ZFTRAF1: variants seen among roughly 807,000 people sequenced by gnomAD.
ZFTRAF1 encodes the protein zinc finger TRAF-type-containing protein 1.
At chr8:144,459,463 C>A in the ZFTRAF1 span, among the ~76,000 whole-genome samples, 2 of 152,382 alleles carry the variant, frequency 1.3e-5, no homozygotes, top group African/African-American at 4.8e-5. Context: ...CAGGACTCGG[C>A]GGTGGCGGAA....
the ZFTRAF1 span, chr8:144,456,986 A>AG: frequency 2.9e-5 from 4 of 137,862 alleles, no homozygotes; most frequent in Non-Finnish European, 6.2e-5. Context: ...TTGACATTAC[A>AG]GGGGATGACA....
chr8:144,454,730 G>A, the ZFTRAF1 span: 13 of 152,038 alleles, frequency 8.6e-5, no homozygotes, highest in East Asian at 1.9e-4. Flanking sequence ...GCCTGGTGGC[G>A]CTGGGAGGCC....
the ZFTRAF1 span, among the ~76,000 whole-genome samples, chr8:144,458,536 G>A: frequency 6.6e-6 from 1 of 152,200 alleles, no homozygotes; most frequent in African/African-American, 2.4e-5. Context: ...CACCCCCCCA[G>A]GACTGCACAC....
At chr8:144,455,482 G>C in the ZFTRAF1 span, 2 of 152,320 alleles carry the variant, frequency 1.3e-5, no homozygotes, top group African/African-American at 4.8e-5. Flanking sequence ...CAGGCAGGAG[G>C]GGGCACAGAT....
At chr8:144,459,485 G>T in the ZFTRAF1 span, among the ~76,000 whole-genome samples, 1 of 152,224 alleles carries the variant, frequency 6.6e-6, no homozygotes, top group Non-Finnish European at 1.5e-5. Context: ...CCTTTTGCAT[G>T]AGGGCCTCAG....
At chr8:144,459,279 G>A in the ZFTRAF1 span, among the ~76,000 whole-genome samples, 9 of 152,226 alleles carry the variant, frequency 5.9e-5, no homozygotes, top group Admixed American at 5.9e-4. Flanking sequence ...CAGGCCAGAA[G>A]CTCCTGCACA....
At chr8:144,453,735 C>T in the ZFTRAF1 span, 5 of 386,378 alleles carry the variant, frequency 1.3e-5, no homozygotes, top group East Asian at 4.6e-5. Context: ...CTGGCAGTGA[C>T]GGGTTCAGCC....
chr8:144,455,043 G>A, the ZFTRAF1 span: 4 of 152,216 alleles, frequency 2.6e-5, no homozygotes, highest in African/African-American at 7.2e-5. Flanking sequence ...AATTACAGGC[G>A]GTGGCTCATG....
the ZFTRAF1 span, chr8:144,456,055 T>TC: frequency 1.3e-5 from 2 of 152,224 alleles, no homozygotes; most frequent in Non-Finnish European, 2.9e-5. Context: ...ACCTGCAAGC[T>TC]CCGAGGAGAC....
the ZFTRAF1 span, among the ~76,000 whole-genome samples, chr8:144,459,266 G>C: frequency 4.6e-3 from 695 of 152,324 alleles, 13 homozygotes; most frequent in East Asian, 0.066. Flanking sequence ...TGCGCGGCCT[G>C]GTCAGGCCAG....
chr8:144,452,757 GGAGA>G, the ZFTRAF1 span, among the ~76,000 whole-genome samples: 5 of 152,212 alleles, frequency 3.3e-5, no homozygotes, highest in African/African-American at 4.8e-5. Flanking sequence ...GCAGAAAAAG[GGAGA>G]GAGAGGGGAA....
At chr8:144,450,481 C>T in the ZFTRAF1 span, 65 of 718,388 alleles carry the variant, frequency 9.0e-5, no homozygotes, top group Non-Finnish European at 1.4e-4. Flanking sequence ...GCACGTAGTC[C>T]GTCTCGTTGC....
chr8:144,450,818 G>C, the ZFTRAF1 span: 1 of 651,672 alleles, frequency 1.5e-6, no homozygotes, highest in Non-Finnish European at 2.9e-6. Flanking sequence ...AGTGTGGGCA[G>C]GGCTGGGCAG....
chr8:144,462,012 G>T, the ZFTRAF1 span, among the ~76,000 whole-genome samples: 1 of 152,174 alleles, frequency 6.6e-6, no homozygotes, highest in Non-Finnish European at 1.5e-5. Flanking sequence ...GTAAGCGGAA[G>T]ACAAGCGATT....
chr8:144,453,307 C>A, the ZFTRAF1 span: 1 of 1,551,188 alleles, frequency 6.4e-7, no homozygotes, highest in South Asian at 1.2e-5. Context: ...GAAGGCAGCT[C>A]GCTCACGGCT....
At chr8:144,457,742 T>G in the ZFTRAF1 span, 1 of 152,330 alleles carries the variant, frequency 6.6e-6, no homozygotes. Flanking sequence ...CACGATTTCC[T>G]GGTGGTCCCA....
chr8:144,453,557 G>A, the ZFTRAF1 span: 1 of 1,150,102 alleles, frequency 8.7e-7, no homozygotes, highest in Non-Finnish European at 1.2e-6. Flanking sequence ...GTGTCCTGAG[G>A]GACTCCAGCT....
chr8:144,449,646 C>T, the ZFTRAF1 span: 1 of 152,326 alleles, frequency 6.6e-6, no homozygotes, highest in South Asian at 2.1e-4. Flanking sequence ...ACAATTTCAC[C>T]CTGCTTTCGG....
At chr8:144,462,294 A>C in the ZFTRAF1 span, 2 of 594,310 alleles carry the variant, frequency 3.4e-6, no homozygotes, top group Non-Finnish European at 6.0e-6. Context: ...TGGTACACGG[A>C]GGCCTTGGGC....
Sources: gnomAD v4.1 joint callset for allele counts (sites outside exome capture counted in the v4.1 genomes callset) on GRCh38, gnomAD v4.1.1 for gene constraint, MANE v1.5 for transcripts, NCBI Gene and HGNC (gene_info 2026-07-23, HGNC 2026-07-21) for gene names.